The following MIS18A variants were observed in gnomAD, a reference collection of about 807,000 sequenced individuals.
MIS18A encodes protein Mis18-alpha.
A neutral mutation model predicts 25.0 loss-of-function variants in MIS18A; 14 were observed. That is an observed-to-expected ratio of 0.56 (90% CI 0.37 to 0.88). The LOEUF (loss-of-function observed/expected upper bound fraction) is 0.88, where lower values mean the gene tolerates loss of function less well. MIS18A is among the 40% of genes least tolerant of loss of function. MIS18A has a pLI of 0.00. For synonymous variants in MIS18A, 134 were observed against 118.6 expected, an observed-to-expected ratio of 1.13 and a Z score of -0.84; for missense variants, 292 against 290.8, an observed-to-expected ratio of 1.00 and a Z score of -0.03.
chr21:32,206,051 C>T, the MIS18A span, among the ~76,000 whole-genome samples: 1 of 152,150 alleles, frequency 6.6e-6, no homozygotes, highest in South Asian at 2.1e-4. Context: ...CCAGTGGTCC[C>T]CCCATCCACT....
At chr21:32,223,203 C>T in the MIS18A span, among the ~76,000 whole-genome samples, 1 of 151,880 alleles carries the variant, frequency 6.6e-6, no homozygotes, top group African/African-American at 2.4e-5. Flanking sequence ...ACCCTAACAT[C>T]ATGATTAAAA....
the MIS18A span, among the ~76,000 whole-genome samples, chr21:32,214,666 C>T: frequency 6.6e-6 from 1 of 152,176 alleles, no homozygotes; most frequent in African/African-American, 2.4e-5. Context: ...AAAATAAACC[C>T]TTGACAGTCT....
chr21:32,158,241 G>C, the MIS18A span, among the ~76,000 whole-genome samples: 1 of 152,120 alleles, frequency 6.6e-6, no homozygotes, highest in Non-Finnish European at 1.5e-5. Context: ...AACAAAATGT[G>C]AAGGAGAGAG....
At chr21:32,278,453 T>C (rs2031859482) in intron 1 of MIS18A, 1 of 554,346 alleles carries the variant, frequency 1.8e-6, no homozygotes, top group Admixed American at 3.5e-5. Flanking sequence ...ATTCAACCAC[T>C]GCTCTTCTGG....
the MIS18A span, among the ~76,000 whole-genome samples, chr21:32,192,931 AT>A: frequency 3.0e-4 from 46 of 152,290 alleles, 3 homozygotes; most frequent in East Asian, 4.3e-3. Context: ...GTTGACCGTT[AT>A]CCCCATCTCT....
the MIS18A span, among the ~76,000 whole-genome samples, chr21:32,259,148 T>C: frequency 2.6e-5 from 4 of 152,088 alleles, no homozygotes; most frequent in South Asian, 8.3e-4. Flanking sequence ...TGCCAGGATT[T>C]CAGGTGGGAG....
downstream of MIS18A, among the ~76,000 whole-genome samples, chr21:32,265,982 C>G (rs1601072649): frequency 6.6e-6 from 1 of 152,310 alleles, no homozygotes; most frequent in East Asian, 1.9e-4. Context: ...AATCAGCACC[C>G]TGTGTTTAGC....
the MIS18A span, among the ~76,000 whole-genome samples, chr21:32,175,960 C>G: frequency 3.9e-5 from 6 of 152,120 alleles, no homozygotes; most frequent in East Asian, 1.2e-3. Flanking sequence ...CATACATGAG[C>G]CTAGGCCTAC....
At chr21:32,253,146 C>A in the MIS18A span, among the ~76,000 whole-genome samples, 1 of 151,268 alleles carries the variant, frequency 6.6e-6, no homozygotes, top group African/African-American at 2.4e-5. Flanking sequence ...GAACACCATG[C>A]AGATGGTGCC....
the MIS18A span, among the ~76,000 whole-genome samples, chr21:32,173,987 AC>A: frequency 6.8e-5 from 3 of 44,442 alleles, no homozygotes; most frequent in Non-Finnish European, 1.0e-4. Context: ...TTTTTTTGAG[AC>A]GGAGTCTCAC....
At chr21:32,170,695 G>C in the MIS18A span, among the ~76,000 whole-genome samples, 1 of 151,902 alleles carries the variant, frequency 6.6e-6, no homozygotes, top group East Asian at 1.9e-4. Flanking sequence ...AGGAATATAG[G>C]TTATTCTATA....
the MIS18A span, among the ~76,000 whole-genome samples, chr21:32,189,847 T>C: frequency 2.0e-5 from 3 of 152,188 alleles, no homozygotes; most frequent in African/African-American, 4.8e-5. Flanking sequence ...TTCTTAGTTA[T>C]CTGGGTGTAT....
At position 32,276,753 on chromosome 21, in the gene MIS18A, G is replaced by A. The variant is rs151324220; in HGVS notation, c.335-1857C>T. On this transcript the variant is annotated intron_variant, in intron 1 of 4. Coordinates refer to ENST00000290130, the MANE Select transcript of MIS18A (RefSeq NM_018944.3). ...GAGATCAGCCTGAGCAACATAGCAA[G>A]ACTCTGTCTCTACAAAAAATTTAAA... Among the ~76,000 whole-genome samples, 1,220 of 152,180 alleles carry A rather than the reference G, an allele frequency of 8.0e-3. 17 individuals are homozygous for A. The highest frequency in any genetic ancestry group is 0.028 in the African/African-American group (1,144 of 41,502).
At chr21:32,254,495 C>T in the MIS18A span, among the ~76,000 whole-genome samples, 2 of 151,790 alleles carry the variant, frequency 1.3e-5, no homozygotes, top group Non-Finnish European at 2.9e-5. Flanking sequence ...TGCGTCATTG[C>T]ACTCCAGCCT....
At chr21:32,175,866 T>C in the MIS18A span, among the ~76,000 whole-genome samples, 1 of 152,134 alleles carries the variant, frequency 6.6e-6, no homozygotes, top group Admixed American at 6.5e-5. Context: ...AAAAATTTTT[T>C]TTCTTTATAT....
the MIS18A span, among the ~76,000 whole-genome samples, chr21:32,259,182 C>A: frequency 6.6e-6 from 1 of 152,144 alleles, no homozygotes; most frequent in Admixed American, 6.5e-5. Context: ...CCAGGGTCTG[C>A]ATTTCTGATA....
the MIS18A span, among the ~76,000 whole-genome samples, chr21:32,218,516 G>C: frequency 2.0e-5 from 3 of 152,156 alleles, no homozygotes; most frequent in Non-Finnish European, 2.9e-5. Flanking sequence ...GATAATAAAA[G>C]CACAAAGGAG....
At position 32,274,539 on chromosome 21, in the gene MIS18A, G is replaced by A. The variant is rs1167945645; in HGVS notation, c.401+291C>T. ...CTATTTTTATTTTTGATTTTCTTCA[G>A]CACCAAGCCCAAAGATCCAAAAAGG... On this transcript the variant is annotated intron_variant, in intron 2 of 4. Transcript: ENST00000290130. 2.0e-5 allele frequency among the ~76,000 whole-genome samples: 3 copies of A among 151,920 alleles called. No individual in the cohort carries two copies. The East Asian group carries it at 5.8e-4, about 29-fold the overall frequency.
At chr21:32,264,449 T>C (rs1322533667), downstream of MIS18A, among the ~76,000 whole-genome samples, 4 of 152,328 alleles carry the variant, frequency 2.6e-5, no homozygotes, top group East Asian at 5.8e-4. Context: ...TAAATAAGGC[T>C]AAATCTTTAT....
Sources: allele counts gnomAD v4.1 joint callset (sites outside exome capture counted in the v4.1 genomes callset), GRCh38; gene constraint gnomAD v4.1.1; transcripts MANE v1.5; gene names NCBI Gene and HGNC (gene_info 2026-07-23, HGNC 2026-07-21).